The following RAB6B variants were observed in gnomAD, a reference collection of about 807,000 sequenced individuals.
The protein encoded by RAB6B is RAB6B, member RAS oncogene family.
RAB6B carries 7 observed loss-of-function variants against 31.2 expected under a neutral mutation model. The ratio of observed to expected loss-of-function variants is 0.22; its 90% CI spans 0.13 to 0.42. The LOEUF (loss-of-function observed/expected upper bound fraction) is 0.42, where lower values mean the gene tolerates loss of function less well. Ranked by LOEUF, RAB6B falls within the 10% of genes least tolerant of loss-of-function variation. The pLI, the probability that RAB6B is intolerant of heterozygous loss-of-function variation, is 1.00. For missense variants in RAB6B, 149 were observed against 280.6 expected, an observed-to-expected ratio of 0.53 and a Z score of 3.35; for synonymous variants, 105 against 104.9, an observed-to-expected ratio of 1.00 and a Z score of -0.01.
At chr3:133,843,786 G>C (rs1576396196) in intron 2 of RAB6B, among the ~76,000 whole-genome samples, 1 of 152,290 alleles carries the variant, frequency 6.6e-6, no homozygotes, top group East Asian at 1.9e-4. Flanking sequence ...CTGTGGGTAG[G>C]GAGTACCCAC....
At chr3:133,858,206 C>T (rs534428851) in intron 2 of RAB6B, among the ~76,000 whole-genome samples, 104 of 152,320 alleles carry the variant, frequency 6.8e-4, no homozygotes, top group African/African-American at 2.2e-3. Context: ...AGCCCAGTGC[C>T]CGTAAGACAC....
chr3:133,866,748 G>T (rs1936242147), intron 1 of RAB6B, among the ~76,000 whole-genome samples: 1 of 152,240 alleles, frequency 6.6e-6, no homozygotes, highest in African/African-American at 2.4e-5. Flanking sequence ...ACCACAGAGG[G>T]GAAAGTGGGG....
intron 1 of RAB6B, among the ~76,000 whole-genome samples, chr3:133,867,390 G>A (rs1042903970): frequency 1.3e-5 from 2 of 152,190 alleles, no homozygotes; most frequent in East Asian, 1.9e-4. Context: ...CCTGCCCACT[G>A]AAGCTTGCAG....
At position 133,895,481 on chromosome 3, in the gene RAB6B, G is replaced by T; in HGVS notation, c.-15C>A. 1 of 1,611,510 alleles carries T rather than the reference G, an allele frequency of 6.2e-7. No homozygotes were observed. ...CCTGCGGACATGGTGCTGGCAGCCG[G>T]GGCCGGGAGAGGAGGAGGAGGAAAA... On this transcript the variant is annotated 5_prime_UTR_variant, in exon 1 of 8. Transcript: ENST00000285208.
chr3:133,878,509 C>T (rs1936426483), intron 1 of RAB6B, among the ~76,000 whole-genome samples: 2 of 152,140 alleles, frequency 1.3e-5, no homozygotes, highest in South Asian at 2.1e-4. Flanking sequence ...AATTCATCAC[C>T]AGCACACTCT....
chr3:133,828,706 C>T lies in RAB6B; in HGVS notation c.*82G>A, dbSNP rs1935610824. 72 of 1,237,400 alleles carry T rather than the reference C, an allele frequency of 5.8e-5. 1 individual carries two copies. In the South Asian group the frequency reaches 8.3e-4, roughly 14 times the overall value. 76.7% of individuals were successfully genotyped at this position (1,237,400 alleles called of 1,614,324 possible). ...ATCCTCCCATCTTGATAACTCGGTT[C>T]CCTCCCCCCTTAGGAAGCTAGCCAA... On this transcript the variant is annotated 3_prime_UTR_variant, in exon 8 of 8. Coordinates refer to ENST00000285208, the MANE Select transcript of RAB6B (RefSeq NM_016577.4).
intron 2 of RAB6B, among the ~76,000 whole-genome samples, chr3:133,861,470 G>C (rs1936160577): frequency 6.6e-6 from 1 of 152,170 alleles, no homozygotes; most frequent in Non-Finnish European, 1.5e-5. Flanking sequence ...AAAAAGTCTT[G>C]AGAGGTCTGT....
chr3:133,828,169 G>T lies in RAB6B; in HGVS notation c.*619C>A. ...AGACCTTGGTCTCAGCTCCACACGA[G>T]GTTGACGACCCACTCTGGCCATGGA... On this transcript the variant is annotated 3_prime_UTR_variant, in exon 8 of 8. Transcript: ENST00000285208. The T allele has an allele frequency of 1.7e-6, 1 of 591,342 alleles. No individual in the cohort carries two copies. The highest frequency in any genetic ancestry group is 3.0e-6 in the Non-Finnish European group (1 of 331,604). The allele number at this position is 591,342 out of a possible 1,614,324, so 36.6% of individuals were successfully genotyped here.
Position 133,864,660 on chromosome 3 carries a change from G to A in RAB6B, c.71-18C>T. On this transcript the variant is annotated intron_variant, in intron 1 of 7. Coordinates refer to ENST00000285208, the MANE Select transcript of RAB6B (RefSeq NM_016577.4). ...CTTCCCGACTGCAAAACAACAAGGA[G>A]AGAGGTGTTCAGTCATGGCATCTGA... is the stretch of plus-strand genomic sequence containing the variant. 6.2e-7 allele frequency: 1 copy of A among 1,611,716 alleles called. No homozygotes were observed. Among genetic ancestry groups the A allele is most frequent in the Non-Finnish European group, 8.5e-7 (1 of 1,177,762 alleles).
At chr3:133,830,818 T>C (rs1935645738) in intron 7 of RAB6B, among the ~76,000 whole-genome samples, 2 of 152,214 alleles carry the variant, frequency 1.3e-5, no homozygotes, top group South Asian at 4.1e-4. Flanking sequence ...ACTGACATTT[T>C]GGGCCAGACA....
intron 1 of RAB6B, among the ~76,000 whole-genome samples, chr3:133,877,369 G>A (rs1352338427): frequency 6.6e-6 from 1 of 152,218 alleles, no homozygotes; most frequent in Non-Finnish European, 1.5e-5. Flanking sequence ...AGGAAACAGT[G>A]CTTGGCATCC....
chr3:133,870,527 A>AC (rs1221369060), intron 1 of RAB6B, among the ~76,000 whole-genome samples: 2 of 152,212 alleles, frequency 1.3e-5, no homozygotes, highest in African/African-American at 4.8e-5. Context: ...AGGGTACAGG[A>AC]CCAGTGACTG....
chr3:133,841,862 G>A (rs1487692828), intron 2 of RAB6B, among the ~76,000 whole-genome samples, 199 bp from the exon 3 acceptor site: 5 of 152,226 alleles, frequency 3.3e-5, no homozygotes, highest in Non-Finnish European at 5.9e-5. Flanking sequence ...GAGGAAAGAT[G>A]AGGGTGGCCT....
Position 133,895,630 on chromosome 3 carries a change from G to A in RAB6B, c.-164C>T. ...CCCAGCTGCGTCCCGGTCCCGGCCT[G>A]CGGCTGCGTGTCCGGCGGCGGAGGA... is the stretch of plus-strand genomic sequence containing the variant. On this transcript the variant is annotated 5_prime_UTR_variant, in exon 1 of 8. Transcript: ENST00000285208. 1.6e-6 allele frequency: 1 copy of A among 643,910 alleles called. No individual in the cohort carries two copies. The highest frequency in any genetic ancestry group is 2.7e-6 in the Non-Finnish European group (1 of 376,510). The allele number at this position is 643,910 out of a possible 1,614,324, so 39.9% of individuals were successfully genotyped here. A position where few individuals can be genotyped will look rare whatever the true frequency, so the allele number is the denominator to read the frequency against.
intron 1 of RAB6B, among the ~76,000 whole-genome samples, chr3:133,886,476 C>T (rs1213676894): frequency 6.6e-6 from 1 of 152,198 alleles, no homozygotes; most frequent in African/African-American, 2.4e-5. Flanking sequence ...ATGAGGTACT[C>T]TTCCCCTGAG....
intron 2 of RAB6B, among the ~76,000 whole-genome samples, chr3:133,859,199 G>C (rs1936125278): frequency 6.6e-6 from 1 of 152,168 alleles, no homozygotes; most frequent in Non-Finnish European, 1.5e-5. Flanking sequence ...GACTGGTCTT[G>C]AATTCCTGGC....
At chr3:133,875,927 C>A (rs1006402127) in intron 1 of RAB6B, among the ~76,000 whole-genome samples, 2 of 152,186 alleles carry the variant, frequency 1.3e-5, no homozygotes, top group African/African-American at 4.8e-5. Flanking sequence ...AGAGGCAGTA[C>A]TATCCGGCAT....
intron 6 of RAB6B, among the ~76,000 whole-genome samples, chr3:133,837,706 A>G (rs530267349): frequency 6.6e-6 from 1 of 152,222 alleles, no homozygotes; most frequent in Non-Finnish European, 1.5e-5. Context: ...CAACCACATC[A>G]TGGTAGGCTC....
intron 6 of RAB6B, 93 bp from the exon 7 acceptor site, chr3:133,834,734 A>G: frequency 8.4e-7 from 1 of 1,196,752 alleles, no homozygotes; most frequent in Non-Finnish European, 1.2e-6. Context: ...TTCCCCTCCC[A>G]ACCTGCAGCT....
Sources: allele counts gnomAD v4.1 joint callset (sites outside exome capture counted in the v4.1 genomes callset), GRCh38; gene constraint gnomAD v4.1.1; transcripts MANE v1.5; gene names NCBI Gene and HGNC (gene_info 2026-07-23, HGNC 2026-07-21).